CCDC62: variants seen among roughly 807,000 people sequenced by gnomAD.
The protein encoded by CCDC62 is coiled-coil domain containing 62.
A neutral mutation model predicts 80.8 loss-of-function variants in CCDC62; 72 were observed. That is an observed-to-expected ratio of 0.89 (90% CI 0.74 to 1.08). The LOEUF (loss-of-function observed/expected upper bound fraction) is 1.08. CCDC62 is among the 50% of genes least tolerant of loss of function. CCDC62 has a pLI of 0.00. For missense variants in CCDC62, 704 were observed against 809.4 expected, an observed-to-expected ratio of 0.87 and a Z score of 1.58; for synonymous variants, 286 against 296.5, an observed-to-expected ratio of 0.96 and a Z score of 0.36.
At chr12:122,818,845 C>T (rs2032283870) in intron 11 of CCDC62, among the ~76,000 whole-genome samples, 1 of 151,948 alleles carries the variant, frequency 6.6e-6, no homozygotes, top group Non-Finnish European at 1.5e-5. Context: ...TGACTTTGAG[C>T]CCAGGAGTTC....
rs1244489219 is a variant in CCDC62 at position 122,826,840 on chromosome 12, G to A, written c.*459G>A. ...AAATTCTAAACAATAGCTTATCAGA[G>A]TCAGCTCAAAATATATGAGAAACAG... On this transcript the variant is annotated 3_prime_UTR_variant, in exon 13 of 13. Coordinates refer to ENST00000253079, the MANE Select transcript of CCDC62 (RefSeq NM_201435.5). 6.0e-6 allele frequency: 1 copy of A among 166,348 alleles called. No individual in the cohort carries two copies. Among genetic ancestry groups the A allele is most frequent in the Admixed American group, 6.3e-5 (1 of 15,856 alleles). The allele number at this position is 166,348 out of a possible 1,614,324, so 10.3% of individuals were successfully genotyped here. A position where few individuals can be genotyped will look rare whatever the true frequency, so the allele number is the denominator to read the frequency against.
chr12:122,812,794 A>AGAAAGAAT (rs951724693), intron 10 of CCDC62, among the ~76,000 whole-genome samples: 3 of 144,752 alleles, frequency 2.1e-5, no homozygotes, highest in Non-Finnish European at 4.5e-5. Flanking sequence ...AAAGAAAGAA[A>AGAAAGAAT]GAAAGAAAGA....
chr12:122,822,235 C>A (rs113157877), intron 11 of CCDC62, among the ~76,000 whole-genome samples: 19 of 151,446 alleles, frequency 1.3e-4, no homozygotes, highest in Non-Finnish European at 2.5e-4. Context: ...CCTCCCAAGT[C>A]GCTGGGACTA....
At chr12:122,818,906 G>T (rs1350240501) in intron 11 of CCDC62, among the ~76,000 whole-genome samples, 1 of 152,138 alleles carries the variant, frequency 6.6e-6, no homozygotes, top group African/African-American at 2.4e-5. Flanking sequence ...CTGGGCAACA[G>T]AGCAAGACCC....
At chr12:122,795,923 A>G (rs1671677) in intron 6 of CCDC62, among the ~76,000 whole-genome samples, 3,570 of 152,140 alleles carry the variant, frequency 0.023, 137 homozygotes, top group African/African-American at 0.081. Flanking sequence ...GTCCCTTCCC[A>G]TTGTTTTAGC....
At chr12:122,788,398 T>C (rs1391709347) in intron 4 of CCDC62, among the ~76,000 whole-genome samples, 22 of 152,182 alleles carry the variant, frequency 1.4e-4, no homozygotes, top group Admixed American at 1.4e-3. Context: ...CCCACCCTCT[T>C]GCTGCTATTA....
intron 3 of CCDC62, among the ~76,000 whole-genome samples, chr12:122,784,657 C>A (rs946993391): frequency 1.3e-5 from 2 of 151,736 alleles, no homozygotes; most frequent in African/African-American, 4.8e-5. Context: ...ATAGCGAGAC[C>A]CTCTCTACAA....
intron 11 of CCDC62, among the ~76,000 whole-genome samples, chr12:122,815,292 T>C (rs1593832147): frequency 1.3e-5 from 2 of 150,982 alleles, no homozygotes; most frequent in South Asian, 4.2e-4. Context: ...TTGCCCAGGC[T>C]GGTCTCAAAC....
chr12:122,811,634 A>G (rs1459441068), intron 10 of CCDC62, among the ~76,000 whole-genome samples: 2 of 151,320 alleles, frequency 1.3e-5, no homozygotes, highest in African/African-American at 4.8e-5. Flanking sequence ...ATCCTGACCA[A>G]CATGGTGAAA....
chr12:122,814,279 CAAAAAAAAAAAA>C (rs1242349597), intron 11 of CCDC62, among the ~76,000 whole-genome samples: 2 of 119,564 alleles, frequency 1.7e-5, no homozygotes, highest in South Asian at 5.2e-4. Flanking sequence ...AGCTCCACCT[CAAAAAAAAAAAA>C]AAAAAAAAAA....
At chr12:122,785,142 A>C (rs1258553710) in intron 3 of CCDC62, among the ~76,000 whole-genome samples, 5 of 152,198 alleles carry the variant, frequency 3.3e-5, no homozygotes, top group African/African-American at 1.2e-4. Flanking sequence ...ACTCAGTCTC[A>C]AAAAATAAAA....
intron 3 of CCDC62, 81 bp from the exon 4 acceptor site, chr12:122,785,638 G>A (rs1054402545): frequency 6.4e-6 from 6 of 933,260 alleles, no homozygotes; most frequent in Non-Finnish European, 1.0e-5. Flanking sequence ...AAATAGAGAA[G>A]TAAGCGCAGA....
rs926557023 is a variant in CCDC62, at chr12:122,781,409, G to C, written c.396+79G>C. 8 of 1,369,176 alleles carry C rather than the reference G, an allele frequency of 5.8e-6. No individual in the cohort carries two copies. The African/African-American group carries it at 8.7e-5, about 15-fold the overall frequency. 84.8% of individuals were successfully genotyped at this position (1,369,176 alleles called of 1,614,324 possible). On this transcript the variant is annotated intron_variant, in intron 3 of 12. Coordinates refer to ENST00000253079, the MANE Select transcript of CCDC62 (RefSeq NM_201435.5). ...GTTATTGAAAAATTAGATTTGACCGGGCACGGTGGCTCACTCCTGTAATGC... is the reference window on the plus strand; with the variant it reads ...GTTATTGAAAAATTAGATTTGACCGCGCACGGTGGCTCACTCCTGTAATGC...
At chr12:122,799,101 A>T (rs975413439) in intron 8 of CCDC62, among the ~76,000 whole-genome samples, 1 of 152,054 alleles carries the variant, frequency 6.6e-6, no homozygotes, top group African/African-American at 2.4e-5. Flanking sequence ...AATAAATAAT[A>T]AATAAATACA....
At chr12:122,808,565 C>A (rs1490532243) in intron 10 of CCDC62, among the ~76,000 whole-genome samples, 6 of 151,536 alleles carry the variant, frequency 4.0e-5, no homozygotes, top group African/African-American at 1.5e-4. Context: ...CTCACTCTGT[C>A]GCCCAAGCTG....
chr12:122,799,641 T>C (rs971024530), intron 8 of CCDC62, among the ~76,000 whole-genome samples: 5 of 152,220 alleles, frequency 3.3e-5, no homozygotes, highest in Non-Finnish European at 5.9e-5. Context: ...TAGTCTACTT[T>C]TCTAAGCCAA....
At chr12:122,812,830 A>AGAAAGAAAGAAG (rs1372384706) in intron 10 of CCDC62, among the ~76,000 whole-genome samples, 1 of 151,354 alleles carries the variant, frequency 6.6e-6, no homozygotes, top group African/African-American at 2.4e-5. Flanking sequence ...AAAGAAAGAA[A>AGAAAGAAAGAAG]AGGAATGAAT....
intron 11 of CCDC62, among the ~76,000 whole-genome samples, chr12:122,819,361 G>A (rs543496625): frequency 6.6e-6 from 1 of 152,310 alleles, no homozygotes; most frequent in East Asian, 1.9e-4. Flanking sequence ...GAGCCTTGCT[G>A]TGAGACAGGC....
chr12:122,795,615 G>A (rs1037073867), intron 6 of CCDC62, among the ~76,000 whole-genome samples: 1 of 151,978 alleles, frequency 6.6e-6, no homozygotes, highest in Non-Finnish European at 1.5e-5. Flanking sequence ...TAGTAGAGAT[G>A]GGGTTTCACC....
Sources: allele counts gnomAD v4.1 joint callset (sites outside exome capture counted in the v4.1 genomes callset), GRCh38; gene constraint gnomAD v4.1.1; transcripts MANE v1.5; gene names NCBI Gene and HGNC (gene_info 2026-07-23, HGNC 2026-07-21).